NPAS3: variants seen among roughly 807,000 people sequenced by gnomAD.
NPAS3 encodes neuronal PAS domain-containing protein 3.
In NPAS3, 14 loss-of-function variants were observed where a neutral mutation model predicts 73.1. The ratio of observed to expected loss-of-function variants is 0.19; its 90% CI spans 0.13 to 0.30. The LOEUF (loss-of-function observed/expected upper bound fraction) is 0.30. NPAS3 is among the 10% of genes least tolerant of loss of function. The probability of loss-of-function intolerance (pLI) is 1.00; values close to 1 mark genes in which losing one functional copy is unlikely to be tolerated. For missense variants in NPAS3, 1,096 were observed against 1,250.0 expected, an observed-to-expected ratio of 0.88 and a Z score of 1.86; for synonymous variants, 620 against 541.5, an observed-to-expected ratio of 1.14 and a Z score of -2.01.
At chr14:33,757,487 A>G (rs1035112848) in intron 7 of NPAS3, among the ~76,000 whole-genome samples, 2 of 152,150 alleles carry the variant, frequency 1.3e-5, no homozygotes, top group Non-Finnish European at 2.9e-5. Context: ...ATACTCTAGG[A>G]AGATGAATCT....
chr14:33,632,685 T>C (rs1402509490), intron 5 of NPAS3, among the ~76,000 whole-genome samples: 2 of 152,156 alleles, frequency 1.3e-5, no homozygotes, highest in Admixed American at 6.5e-5. Context: ...CCTGTACAGC[T>C]CTCTACGCTC....
chr14:33,014,449 T>C (rs930743885), intron 1 of NPAS3, among the ~76,000 whole-genome samples: 1 of 152,176 alleles, frequency 6.6e-6, no homozygotes, highest in African/African-American at 2.4e-5. Context: ...ACAATTGTAA[T>C]AAAATATTAT....
intron 3 of NPAS3, among the ~76,000 whole-genome samples, chr14:33,242,381 T>C (rs2139835620): frequency 6.6e-6 from 1 of 152,204 alleles, no homozygotes; most frequent in Admixed American, 6.5e-5. Flanking sequence ...TCCCGTTTTT[T>C]CCCTTCCCTG....
chr14:33,332,451 A>G (rs1209984745), intron 3 of NPAS3, among the ~76,000 whole-genome samples: 1 of 152,228 alleles, frequency 6.6e-6, no homozygotes, highest in African/African-American at 2.4e-5. Context: ...GAAATACTTC[A>G]TGAGTTTTAG....
chr14:33,383,088 T>TAAA (rs34877774), intron 4 of NPAS3, among the ~76,000 whole-genome samples: 38 of 104,286 alleles, frequency 3.6e-4, no homozygotes, highest in African/African-American at 1.2e-3. Context: ...GACCCTGTCT[T>TAAA]AAAAAAAAAA....
chr14:33,322,976 A>G (rs769165567), intron 3 of NPAS3, among the ~76,000 whole-genome samples: 4 of 152,208 alleles, frequency 2.6e-5, no homozygotes, highest in Admixed American at 6.5e-5. Context: ...AGTTCTGCCT[A>G]TAAATTAAGT....
At chr14:33,353,796 G>A (rs562258373) in intron 3 of NPAS3, among the ~76,000 whole-genome samples, 1 of 152,310 alleles carries the variant, frequency 6.6e-6, no homozygotes, top group East Asian at 1.9e-4. Flanking sequence ...GCAGAATGGA[G>A]ACTCATTAAC....
intron 7 of NPAS3, among the ~76,000 whole-genome samples, chr14:33,764,391 A>G (rs1014215968): frequency 1.3e-5 from 2 of 152,258 alleles, no homozygotes; most frequent in African/African-American, 4.8e-5. Flanking sequence ...CAGGACATTT[A>G]AGTAAAACAC....
intron 2 of NPAS3, among the ~76,000 whole-genome samples, chr14:33,114,116 A>T (rs185825274): frequency 1.5e-3 from 223 of 152,048 alleles, no homozygotes; most frequent in Non-Finnish European, 2.8e-3. Context: ...ACTTGCTGCA[A>T]CCTCTGCCTC....
chr14:33,147,730 A>AATATATATATATATAATAT (rs2044291839), intron 2 of NPAS3, among the ~76,000 whole-genome samples: 1 of 130,388 alleles, frequency 7.7e-6, no homozygotes, highest in Non-Finnish European at 1.5e-5. Context: ...TAGAATAAAA[A>AATATATATATATATAATAT]ATATATATAT....
chr14:33,335,495 G>A (rs994831195), intron 3 of NPAS3, among the ~76,000 whole-genome samples: 1 of 152,152 alleles, frequency 6.6e-6, no homozygotes, highest in Non-Finnish European at 1.5e-5. Flanking sequence ...AAGCTTTAAG[G>A]TTCCTGAAAG....
intron 3 of NPAS3, among the ~76,000 whole-genome samples, chr14:33,350,810 C>A (rs1311497824): frequency 1.3e-5 from 2 of 152,356 alleles, no homozygotes; most frequent in East Asian, 3.9e-4. Context: ...GTAATCCGTA[C>A]ATACTCATTA....
Position 33,272,912 on chromosome 14 carries a change from T to C in NPAS3, c.385+57486T>C, listed in dbSNP as rs79876455. ...TTTACAATTTTACAAAGCAGAATTATGTCAGCTAAACTGTTGTCTTGACTA... is the reference window on the plus strand; with the variant it reads ...TTTACAATTTTACAAAGCAGAATTACGTCAGCTAAACTGTTGTCTTGACTA... On this transcript the variant is annotated intron_variant, in intron 3 of 11. Coordinates refer to ENST00000356141, the Ensembl canonical transcript of NPAS3. Among the ~76,000 whole-genome samples, 874 of 152,338 alleles carry C rather than the reference T, an allele frequency of 5.7e-3. 4 individuals carry two copies. Among genetic ancestry groups the C allele is most frequent in the African/African-American group, 0.02 (813 of 41,580 alleles).
chr14:33,083,189 A>G lies in NPAS3; in HGVS notation c.140+27195A>G, dbSNP rs867884529. Among the ~76,000 whole-genome samples, 39 of 24,174 alleles carry G rather than the reference A, an allele frequency of 1.6e-3. 1 individual carries two copies. The highest frequency in any genetic ancestry group is 4.1e-3 in the South Asian group (2 of 486). The allele number at this position is 24,174 out of a possible 152,430, so 15.9% of individuals were successfully genotyped here. A position where few individuals can be genotyped will look rare whatever the true frequency, so the allele number is the denominator to read the frequency against. The stretch of plus-strand genomic sequence containing the variant: ...TGGCGAGACTGTCTCAAAAAAAAAA[A>G]AAAAAAAAAAAAAAAAAAAAAAAAA... On this transcript the variant is annotated intron_variant, in intron 2 of 11. Transcript: ENST00000356141.
upstream of NPAS3, among the ~76,000 whole-genome samples, chr14:32,935,373 G>A (rs771008452): frequency 1.3e-5 from 2 of 152,182 alleles, no homozygotes; most frequent in Non-Finnish European, 2.9e-5. Flanking sequence ...GCGGACCCGC[G>A]CATACGGACA....
chr14:33,309,154 A>G (rs2042902376), intron 3 of NPAS3, among the ~76,000 whole-genome samples: 1 of 152,168 alleles, frequency 6.6e-6, no homozygotes, highest in Non-Finnish European at 1.5e-5. Context: ...TCATCAAACA[A>G]TAGTTTGAAG....
At chr14:33,797,990 T>G (rs1336412480) in intron 11 of NPAS3, among the ~76,000 whole-genome samples, 1 of 151,964 alleles carries the variant, frequency 6.6e-6, no homozygotes, top group Non-Finnish European at 1.5e-5. Context: ...TCACTTAATG[T>G]CAATCCACTG....
At chr14:33,605,328 T>C (rs1246226643) in intron 5 of NPAS3, among the ~76,000 whole-genome samples, 1 of 149,820 alleles carries the variant, frequency 6.7e-6, no homozygotes, top group African/African-American at 2.5e-5. Flanking sequence ...CGCTTTAATG[T>C]GACATTGCCT....
At chr14:33,384,241 A>G (rs1359932700) in intron 4 of NPAS3, among the ~76,000 whole-genome samples, 1 of 152,216 alleles carries the variant, frequency 6.6e-6, no homozygotes, top group Non-Finnish European at 1.5e-5. Flanking sequence ...ACCTTAGGAT[A>G]TAAAAGAAAT....
Sources: gnomAD v4.1 joint callset for allele counts (sites outside exome capture counted in the v4.1 genomes callset) on GRCh38, gnomAD v4.1.1 for gene constraint, MANE v1.5 for transcripts, NCBI Gene and HGNC (gene_info 2026-07-23, HGNC 2026-07-21) for gene names.